Variants in ETV6 observed in about 807,000 individuals in gnomAD.
The protein encoded by ETV6 is transcription factor ETV6.
Under a neutral mutation model 51.1 loss-of-function variants are expected in ETV6, and 16 were observed. The observed-to-expected ratio is 0.31, with a 90% CI of 0.21 to 0.48. The LOEUF (loss-of-function observed/expected upper bound fraction) is 0.48. ETV6 is among the 20% of genes least tolerant of loss of function. ETV6 has a pLI of 0.99. For missense variants in ETV6, 458 were observed against 594.8 expected (o/e 0.77, Z 2.39); for synonymous variants, 240 against 224.1 (o/e 1.07, Z -0.64).
chr12:11,850,904 G>A (rs976919062), intron 3 of ETV6, among the ~76,000 whole-genome samples: 1 of 152,240 alleles, frequency 6.6e-6, no homozygotes, highest in African/African-American at 2.4e-5. Context: ...AAGCCCAGAA[G>A]CAGCCACCAA....
At chr12:11,684,091 C>A (rs560578674) in intron 1 of ETV6, among the ~76,000 whole-genome samples, 49 of 152,280 alleles carry the variant, frequency 3.2e-4, no homozygotes, top group Admixed American at 3.2e-3. Flanking sequence ...AAAAGTGATT[C>A]AAGGGAGTTG....
At chr12:11,863,575 T>G (rs1389722007) in intron 4 of ETV6, among the ~76,000 whole-genome samples, 1 of 152,206 alleles carries the variant, frequency 6.6e-6, no homozygotes, top group Admixed American at 6.5e-5. Flanking sequence ...GCAATGTGGA[T>G]AATTTCCCAG....
intron 1 of ETV6, among the ~76,000 whole-genome samples, chr12:11,651,656 A>G (rs1344093807): frequency 6.6e-6 from 1 of 152,160 alleles, no homozygotes; most frequent in Non-Finnish European, 1.5e-5. Flanking sequence ...TTGCGGTATA[A>G]ATTAGATTCT....
chr12:11,736,595 G>A lies in ETV6; in HGVS notation c.34-15855G>A, dbSNP rs139664524. On this transcript the variant is annotated intron_variant, in intron 1 of 7. Coordinates refer to ENST00000396373, the MANE Select transcript of ETV6 (RefSeq NM_001987.5). ...GGAATAAGTATAAATACATTGTAAA[G>A]TATCTATTTCGAGAGGGAACAGACT... 4.9e-3 allele frequency among the ~76,000 whole-genome samples: 745 copies of A among 152,288 alleles called. 6 individuals carry two copies. The highest frequency in any genetic ancestry group is 0.017 in the African/African-American group (700 of 41,550).
At chr12:11,703,501 C>T (rs1466607373) in intron 1 of ETV6, among the ~76,000 whole-genome samples, 3 of 151,940 alleles carry the variant, frequency 2.0e-5, no homozygotes, top group Admixed American at 6.6e-5. Flanking sequence ...AGGATATTTA[C>T]GAGCAAGCCA....
chr12:11,830,601 A>T (rs1946228334), intron 2 of ETV6, among the ~76,000 whole-genome samples: 1 of 151,482 alleles, frequency 6.6e-6, no homozygotes, highest in Non-Finnish European at 1.5e-5. Flanking sequence ...GTCGGGGAGG[A>T]GAGGGGTGCC....
At chr12:11,743,400 G>A (rs563065499) in intron 1 of ETV6, among the ~76,000 whole-genome samples, 3 of 152,168 alleles carry the variant, frequency 2.0e-5, no homozygotes, top group Admixed American at 6.5e-5. Context: ...TATGTAGAGC[G>A]AGGGAATTTC....
At chr12:11,722,680 AC>A (rs1487591592) in intron 1 of ETV6, among the ~76,000 whole-genome samples, 3 of 152,204 alleles carry the variant, frequency 2.0e-5, no homozygotes, top group South Asian at 4.2e-4. Context: ...ACTCTCCCAA[AC>A]CCCAGTTGTA....
chr12:11,888,400 T>TTTCTTTTC (rs1380691199), intron 7 of ETV6, among the ~76,000 whole-genome samples: 16 of 144,518 alleles, frequency 1.1e-4, no homozygotes, highest in South Asian at 1.1e-3. Flanking sequence ...TTTCTTTTCT[T>TTTCTTTTC]TTTTTTTTTT....
chr12:11,715,579 C>T (rs542592172), intron 1 of ETV6, among the ~76,000 whole-genome samples: 2 of 152,354 alleles, frequency 1.3e-5, no homozygotes, highest in African/African-American at 4.8e-5. Flanking sequence ...GTCCCAGCTA[C>T]GCTGTGCCAT....
At chr12:11,673,821 C>A (rs952145200) in intron 1 of ETV6, among the ~76,000 whole-genome samples, 5 of 152,108 alleles carry the variant, frequency 3.3e-5, no homozygotes, top group African/African-American at 1.2e-4. Flanking sequence ...TTTCCTTTCC[C>A]CCGAGTTAGT....
At chr12:11,720,578 T>G (rs1056583480) in intron 1 of ETV6, among the ~76,000 whole-genome samples, 1 of 152,040 alleles carries the variant, frequency 6.6e-6, no homozygotes, top group Non-Finnish European at 1.5e-5. Context: ...AAAAATTAAC[T>G]CAAGATGGAT....
At chr12:11,843,449 C>T (rs1015874276) in intron 3 of ETV6, among the ~76,000 whole-genome samples, 1 of 152,194 alleles carries the variant, frequency 6.6e-6, no homozygotes, top group South Asian at 2.1e-4. Context: ...TTCACTTGGC[C>T]TTATTTTCCT....
At chr12:11,746,722 A>G (rs1865915329) in intron 1 of ETV6, among the ~76,000 whole-genome samples, 1 of 151,926 alleles carries the variant, frequency 6.6e-6, no homozygotes, top group Admixed American at 6.6e-5. Flanking sequence ...CATAGGGAGA[A>G]AAAAAACTCA....
At chr12:11,746,132 A>G (rs1865904372) in intron 1 of ETV6, among the ~76,000 whole-genome samples, 1 of 152,258 alleles carries the variant, frequency 6.6e-6, no homozygotes, top group Non-Finnish European at 1.5e-5. Flanking sequence ...ACCCTCAAGA[A>G]TCCTGCTGGA....
intron 1 of ETV6, among the ~76,000 whole-genome samples, chr12:11,700,397 A>G (rs946350668): frequency 6.6e-6 from 1 of 152,130 alleles, no homozygotes; most frequent in Admixed American, 6.6e-5. Flanking sequence ...TGGAGTCTCC[A>G]ATATATGTTA....
chr12:11,707,147 C>T (rs1282455291), intron 1 of ETV6, among the ~76,000 whole-genome samples: 1 of 152,110 alleles, frequency 6.6e-6, no homozygotes, highest in Non-Finnish European at 1.5e-5. Flanking sequence ...AACAAGAGCG[C>T]TCAATTGCAG....
At chr12:11,773,734 G>C (rs187436271) in intron 2 of ETV6, among the ~76,000 whole-genome samples, 26 of 152,286 alleles carry the variant, frequency 1.7e-4, no homozygotes, top group Admixed American at 1.6e-3. Flanking sequence ...ATTTGTAAGA[G>C]GACTATACTT....
chr12:11,877,424 G>A (rs577406230), intron 5 of ETV6, among the ~76,000 whole-genome samples: 11 of 152,216 alleles, frequency 7.2e-5, no homozygotes, highest in African/African-American at 2.4e-4. Context: ...CTCAGCCCTC[G>A]GCCTTTGTTG....
Sources: gnomAD v4.1 joint callset for allele counts (sites outside exome capture counted in the v4.1 genomes callset) on GRCh38, gnomAD v4.1.1 for gene constraint, MANE v1.5 for transcripts, NCBI Gene and HGNC (gene_info 2026-07-23, HGNC 2026-07-21) for gene names.